Variants in DROSHA observed in about 807,000 individuals in gnomAD.
DROSHA encodes the protein ribonuclease 3.
Under a neutral mutation model 181.9 loss-of-function variants are expected in DROSHA, and 56 were observed. The ratio of observed to expected loss-of-function variants is 0.31; its 90% CI spans 0.25 to 0.38. The LOEUF (loss-of-function observed/expected upper bound fraction) is 0.38, where lower values mean the gene tolerates loss of function less well. Among genes scored for constraint, DROSHA ranks in the 10% least tolerant of loss-of-function variants. The pLI is 1.00. For synonymous variants in DROSHA, 524 were observed against 591.2 expected (o/e 0.89, Z 1.65); for missense variants, 1,218 against 1,743.5 (o/e 0.70, Z 5.37).
chr5:31,494,673 T>C (rs759234645), intron 12 of DROSHA, among the ~76,000 whole-genome samples: 5 of 152,118 alleles, frequency 3.3e-5, no homozygotes, highest in South Asian at 2.1e-4. Flanking sequence ...TGGAAACAGT[T>C]TGGCATTTCT....
rs1013099691 is a variant in DROSHA, at chr5:31,411,269, G to A, written c.3526-382C>T. ...GTGTTAAAATCAATTTTATTAAAGT[G>A]TAACTTACATTCAATAAAATGCACC... is the stretch of plus-strand genomic sequence containing the variant. On this transcript the variant is annotated intron_variant, in intron 30 of 35. Transcript: ENST00000344624. The surrounding 1 kb of genome is among the most constrained non-coding windows in gnomAD (Gnocchi z 4.2). Among the ~76,000 whole-genome samples the A allele has an allele frequency of 6.6e-5, 10 of 152,146 alleles. No homozygotes were observed. The highest frequency in any genetic ancestry group is 2.2e-4 in the African/African-American group (9 of 41,426).
chr5:31,442,309 A>C (rs907012446), intron 23 of DROSHA, among the ~76,000 whole-genome samples: 5 of 152,222 alleles, frequency 3.3e-5, no homozygotes, highest in Non-Finnish European at 7.3e-5. Context: ...TTAGTTTATT[A>C]TTATACTCTA....
intron 11 of DROSHA, among the ~76,000 whole-genome samples, chr5:31,498,194 G>GAT (rs1024411972): frequency 6.6e-6 from 1 of 152,176 alleles, no homozygotes; most frequent in African/African-American, 2.4e-5. Flanking sequence ...CAACACTGCT[G>GAT]ACATGGAGTA....
intron 25 of DROSHA, 94 bp from the exon 26 acceptor site, chr5:31,431,772 C>T (rs1349936592): frequency 1.5e-5 from 17 of 1,107,344 alleles, no homozygotes; most frequent in South Asian, 6.5e-5. Flanking sequence ...GGTGCGGAGA[C>T]GAGATGGGGG....
intron 5 of DROSHA, among the ~76,000 whole-genome samples, chr5:31,525,356 T>C (rs10472193): frequency 0.34 from 44,118 of 129,526 alleles, 7,452 homozygotes; most frequent in East Asian, 0.61. Context: ...AAAAAAAAAT[T>C]AGCCGAGTGT....
intron 35 of DROSHA, 81 bp downstream of exon 35, chr5:31,405,596 C>T: frequency 3.2e-6 from 4 of 1,241,682 alleles, no homozygotes; most frequent in Non-Finnish European, 4.5e-6. Flanking sequence ...CAATACTTAC[C>T]ATTTTTCTCC....
At chr5:31,527,205 T>C (rs935558535) in intron 4 of DROSHA, among the ~76,000 whole-genome samples, 5 of 152,150 alleles carry the variant, frequency 3.3e-5, no homozygotes, top group African/African-American at 9.7e-5. Flanking sequence ...CAACATCCCA[T>C]TGTTCACCAT....
In DROSHA at chr5:31,457,376, C is replaced by T. The variant is rs144451072; in HGVS notation, c.2575-5736G>A. ...CTGACCTCAGGTGATCTGCCCACCT[C>T]GGCCTCCCAAAATGCTGGGATTACA... On this transcript the variant is annotated intron_variant, in intron 20 of 35. Coordinates refer to ENST00000344624, the MANE Select transcript of DROSHA (RefSeq NM_001382508.1). 6.9e-3 allele frequency among the ~76,000 whole-genome samples: 1,045 copies of T among 152,070 alleles called. 12 individuals carry two copies. The highest frequency in any genetic ancestry group is 0.024 in the African/African-American group (991 of 41,492).
chr5:31,466,392 T>C, intron 18 of DROSHA, 111 bp from the exon 19 acceptor site: 1 of 865,058 alleles, frequency 1.2e-6, no homozygotes, highest in Non-Finnish European at 1.9e-6. Context: ...ATTCTTTTGA[T>C]TATTCTTAAT....
At chr5:31,429,641 C>G in intron 26 of DROSHA, 96 bp from the exon 27 acceptor site, 1 of 931,850 alleles carries the variant, frequency 1.1e-6, no homozygotes, top group East Asian at 2.6e-5. Flanking sequence ...AAGCCAAAAA[C>G]TACTCACAGA....
intron 33 of DROSHA, among the ~76,000 whole-genome samples, chr5:31,407,613 G>C (rs1189459071): frequency 6.6e-6 from 1 of 152,070 alleles, no homozygotes; most frequent in African/African-American, 2.4e-5. Context: ...AGCCAACAAA[G>C]ATAATGGAAT....
At chr5:31,433,953 A>G (rs1744501390) in intron 25 of DROSHA, among the ~76,000 whole-genome samples, 2 of 152,204 alleles carry the variant, frequency 1.3e-5, no homozygotes, top group Non-Finnish European at 2.9e-5. Flanking sequence ...TAGATTCTCA[A>G]AGGGGTCAAC....
chr5:31,445,510 TACAA>T (rs1746142319), intron 23 of DROSHA, among the ~76,000 whole-genome samples: 1 of 152,172 alleles, frequency 6.6e-6, no homozygotes. Flanking sequence ...AAAAGAAAAC[TACAA>T]ACAAGTATCT....
At chr5:31,488,474 A>T (rs963477459) in intron 13 of DROSHA, among the ~76,000 whole-genome samples, 1 of 149,534 alleles carries the variant, frequency 6.7e-6, no homozygotes, top group African/African-American at 2.4e-5. Context: ...GAAAAAGTTG[A>T]GGCAGAGCAG....
At chr5:31,449,605 G>A (rs1310761591) in intron 21 of DROSHA, among the ~76,000 whole-genome samples, 186 bp from the exon 22 acceptor site, 1 of 152,022 alleles carries the variant, frequency 6.6e-6, no homozygotes, top group Non-Finnish European at 1.5e-5. Flanking sequence ...CACCTGACTG[G>A]AGTCCCAGCT....
intron 23 of DROSHA, among the ~76,000 whole-genome samples, chr5:31,446,306 G>T (rs1746257764): frequency 6.6e-6 from 1 of 151,918 alleles, no homozygotes; most frequent in South Asian, 2.1e-4. Flanking sequence ...AATTAGCCGG[G>T]TGTGGTGGCG....
rs558780287 is a variant in DROSHA at position 31,445,446 on chromosome 5, C to G, written c.2882+3101G>C. 2.0e-5 allele frequency among the ~76,000 whole-genome samples: 3 copies of G among 152,146 alleles called. No individual in the cohort carries two copies. In the East Asian group the frequency reaches 5.8e-4, roughly 29 times the overall value. On this transcript the variant is annotated intron_variant, in intron 23 of 35. Transcript: ENST00000344624. ...AGCTAACGTACAAAACTTTCCAACT[C>G]GTTATATGAGGCCAGTATTACCATT...
intron 3 of DROSHA, 135 bp downstream of exon 3, chr5:31,530,663 A>G: frequency 5.5e-6 from 2 of 363,994 alleles, no homozygotes. Flanking sequence ...CTCCCAACGT[A>G]TGAATCTGCC....
chr5:31,467,699 T>C (rs1310421227), intron 18 of DROSHA: 1 of 281,904 alleles, frequency 3.5e-6, no homozygotes, highest in South Asian at 9.7e-5. Context: ...AGGACTTATG[T>C]TGACCAAGTT....
Sources: allele counts gnomAD v4.1 joint callset (sites outside exome capture counted in the v4.1 genomes callset), GRCh38; gene constraint gnomAD v4.1.1; non-coding constraint Gnocchi (gnomAD v3.1); transcripts MANE v1.5; gene names NCBI Gene and HGNC (gene_info 2026-07-23, HGNC 2026-07-21).